Variants in MRPL35 observed in about 807,000 individuals in gnomAD.
MRPL35 encodes the protein mitochondrial ribosomal protein L35, also known as large ribosomal subunit protein bL35m.
MRPL35 carries 18 observed loss-of-function variants against 21.6 expected under a neutral mutation model. The observed-to-expected ratio is 0.83, with a 90% CI of 0.58 to 1.24. MRPL35 has a LOEUF of 1.24. Among genes scored for constraint, MRPL35 ranks in the 50% most tolerant of loss-of-function variants. MRPL35 has a pLI of 0.00. For synonymous variants in MRPL35, 87 were observed against 86.9 expected (o/e 1.00, Z -0.01); for missense variants, 223 against 223.2 (o/e 1.00, Z 0.01).
intron 2 of MRPL35, 43 bp downstream of exon 2, chr2:86,206,338 T>A (rs756632964): frequency 1.4e-5 from 22 of 1,536,476 alleles, no homozygotes; most frequent in Non-Finnish European, 1.8e-5. Context: ...TTTTTTGTTT[T>A]TTGTTTTTTT....
intron 1 of MRPL35, among the ~76,000 whole-genome samples, chr2:86,203,315 C>T (rs1284473835): frequency 6.6e-6 from 1 of 152,026 alleles, no homozygotes; most frequent in East Asian, 1.9e-4. Flanking sequence ...ACCTCCTGAT[C>T]TCCTCGTGAT....
intron 1 of MRPL35, among the ~76,000 whole-genome samples, chr2:86,201,984 G>A (rs1673694680): frequency 6.6e-6 from 1 of 152,162 alleles, no homozygotes; most frequent in Non-Finnish European, 1.5e-5. Context: ...GAAAACATCT[G>A]TATTCTCTAT....
rs146688316 is a variant in MRPL35, at chr2:86,205,041, T to C, written c.44-1065T>C. Among the ~76,000 whole-genome samples, 1,337 of 152,070 alleles carry C rather than the reference T, an allele frequency of 8.8e-3. 65 individuals are homozygous for C. Among genetic ancestry groups the C allele is most frequent in the Admixed American group, 0.069 (1,058 of 15,268 alleles). ...ATCACTTGAGCCCAGGAGTTCAAGA[T>C]TGGGCTGGGCAACATGGCAAAATTC... On this transcript the variant is annotated intron_variant, in intron 1 of 3. Transcript: ENST00000337109.
At chr2:86,203,408 G>A (rs1034323515) in intron 1 of MRPL35, among the ~76,000 whole-genome samples, 1 of 152,068 alleles carries the variant, frequency 6.6e-6, no homozygotes, top group Non-Finnish European at 1.5e-5. Context: ...TTCTTTACCC[G>A]ATCTCACGTG....
At chr2:86,199,678 G>A in intron 1 of MRPL35, 145 bp downstream of exon 1, 1 of 1,042,820 alleles carries the variant, frequency 9.6e-7, no homozygotes, top group Non-Finnish European at 1.4e-6. Context: ...TCTCTGGGGC[G>A]GTGTGACCGG....
Position 86,213,738 on chromosome 2 carries a change from C to G in MRPL35, c.*3070C>G. The stretch of plus-strand genomic sequence containing the variant: ...GTGGACTATTCTATTTTCACAGCTA[C>G]CTAGTTTCTGCCGATGATTTTTTTA... On this transcript the variant is annotated 3_prime_UTR_variant, in exon 4 of 4. Transcript: ENST00000337109. The G allele has an allele frequency of 6.8e-7, 1 of 1,467,806 alleles. No individual in the cohort carries two copies. Among genetic ancestry groups the G allele is most frequent in the Non-Finnish European group, 9.3e-7 (1 of 1,076,950 alleles). The allele number at this position is 1,467,806 out of a possible 1,614,324, so 90.9% of individuals were successfully genotyped here. A position where few individuals can be genotyped will look rare whatever the true frequency, so the allele number is the denominator to read the frequency against.
Position 86,208,558 on chromosome 2 carries a change from C to T in MRPL35, c.378+1231C>T, listed in dbSNP as rs148878875. On this transcript the variant is annotated intron_variant, in intron 3 of 3. Transcript: ENST00000337109. ...CTGACCTTAAGTGATCCACCTGTCT[C>T]GGCCTCCCAAAGTGCTGGGATTACA... 8.8e-3 allele frequency among the ~76,000 whole-genome samples: 1,340 copies of T among 152,280 alleles called. 65 individuals carry two copies. The highest frequency in any genetic ancestry group is 0.069 in the Admixed American group (1,057 of 15,300).
rs1673921868 is a variant in MRPL35, at chr2:86,212,361, G to A, written c.*1693G>A. 2.5e-6 allele frequency: 4 copies of A among 1,612,948 alleles called. No homozygotes were observed. Among genetic ancestry groups the A allele is most frequent in the African/African-American group, 2.7e-5 (2 of 74,858 alleles). On this transcript the variant is annotated 3_prime_UTR_variant, in exon 4 of 4. Transcript: ENST00000337109. ...GAACAGACATTTGATTTGAGGTGAG[G>A]TAAAAGCCTGAAACATGGAATGGCA...
chr2:86,213,766 T>C lies in MRPL35; in HGVS notation c.*3098T>C, dbSNP rs1673964473. 1 of 1,327,176 alleles carries C rather than the reference T, an allele frequency of 7.5e-7. No homozygotes were observed. The highest frequency in any genetic ancestry group is 1.3e-5 in the South Asian group (1 of 74,514). The allele number at this position is 1,327,176 out of a possible 1,614,324, so 82.2% of individuals were successfully genotyped here. The stretch of plus-strand genomic sequence containing the variant: ...AGTTTCTGCCGATGATTTTTTTAAA[T>C]GTGAAATAAACAGTGATACTTTCAG... On this transcript the variant is annotated 3_prime_UTR_variant, in exon 4 of 4. Transcript: ENST00000337109.
In MRPL35 at chr2:86,213,595, T is replaced by C. The variant is rs11944; in HGVS notation, c.*2927T>C. On this transcript the variant is annotated 3_prime_UTR_variant, in exon 4 of 4. Transcript: ENST00000337109. ...GTAAGGGCTGCAGCAGGTTTAAGGG[T>C]GGCCCTTCACCACCCTGTTGTCACC... The C allele has an allele frequency of 0.38, 586,078 of 1,548,706 alleles. 116,271 individuals are homozygous for C. The highest frequency in any genetic ancestry group is 0.58 in the East Asian group (23,744 of 40,870).
At chr2:86,209,637 C>G (rs1673864152) in intron 3 of MRPL35, among the ~76,000 whole-genome samples, 1 of 152,156 alleles carries the variant, frequency 6.6e-6, no homozygotes. Context: ...TAGAAAAGTA[C>G]TTCCTATAAA....
Position 86,206,127 on chromosome 2 carries a change from T to C in MRPL35, c.65T>C (p.Ile22Thr), listed in dbSNP as rs1558855434. ...ACAGGAATCCTACGGCCCCTGAATATTTTGGCATCTTCAACCTACCGCAAC... is the reference window on the plus strand; with the variant it reads ...ACAGGAATCCTACGGCCCCTGAATACTTTGGCATCTTCAACCTACCGCAAC... Reference protein sequence around the residue: ...AASGILRPLNILASSTYRNCV... With the variant: ...AASGILRPLNTLASSTYRNCV... The change falls in exon 2 of 4, where the codon ATT becomes ACT. Residue 22 changes from isoleucine (I) to threonine (T), a missense_variant. Physicochemically the swap from Ile to Thr is moderately conservative, Grantham distance 89. Transcript: ENST00000337109. The C allele has an allele frequency of 7.4e-6, 12 of 1,612,304 alleles. No homozygotes were observed. The highest frequency in any genetic ancestry group is 1.0e-5 in the Non-Finnish European group (12 of 1,178,600).
At chr2:86,199,927 G>C (rs1292645528) in intron 1 of MRPL35, among the ~76,000 whole-genome samples, 2 of 152,110 alleles carry the variant, frequency 1.3e-5, no homozygotes, top group African/African-American at 4.8e-5. Context: ...CTAAAATGGG[G>C]GTCATAACCA....
Position 86,211,450 on chromosome 2 carries a change from A to G in MRPL35, c.*782A>G. 2 of 985,472 alleles carry G rather than the reference A, an allele frequency of 2.0e-6. No homozygotes were observed. The highest frequency in any genetic ancestry group is 2.4e-6 in the Non-Finnish European group (2 of 829,950). The allele number at this position is 985,472 out of a possible 1,614,324, so 61.0% of individuals were successfully genotyped here. The stretch of plus-strand genomic sequence containing the variant: ...GTATTAGCAGGTTTGCATGCAGCAA[A>G]AAAACAGTTATGTGAGCAGTTTCAC... On this transcript the variant is annotated 3_prime_UTR_variant, in exon 4 of 4. Transcript: ENST00000337109.
In MRPL35 at chr2:86,210,741, G is replaced by A. The variant is rs1439933884; in HGVS notation, c.*73G>A. On this transcript the variant is annotated 3_prime_UTR_variant, in exon 4 of 4. Coordinates refer to ENST00000337109, the MANE Select transcript of MRPL35 (RefSeq NM_016622.4). ...TACATATCTTTGCAAAAATGGATAAGTACAAAACTTGATGTAAATTGTACC... is the reference window on the plus strand; with the variant it reads ...TACATATCTTTGCAAAAATGGATAAATACAAAACTTGATGTAAATTGTACC... 8.1e-6 allele frequency: 12 copies of A among 1,479,620 alleles called. No homozygotes were observed. The highest frequency in any genetic ancestry group is 4.6e-5 in the East Asian group (2 of 43,618). The allele number at this position is 1,479,620 out of a possible 1,614,324, so 91.7% of individuals were successfully genotyped here.
chr2:86,210,960 T>C lies in MRPL35; in HGVS notation c.*292T>C. ...CAAGGAATCTCAAGTGGGACAAACA[T>C]AAAAAGACTCAAAAGCTACAAGTTA... On this transcript the variant is annotated 3_prime_UTR_variant, in exon 4 of 4. Coordinates refer to ENST00000337109, the MANE Select transcript of MRPL35 (RefSeq NM_016622.4). 9.6e-7 allele frequency: 1 copy of C among 1,039,504 alleles called. No homozygotes were observed. The highest frequency in any genetic ancestry group is 1.2e-6 in the Non-Finnish European group (1 of 865,078). The allele number at this position is 1,039,504 out of a possible 1,614,324, so 64.4% of individuals were successfully genotyped here. A position where few individuals can be genotyped will look rare whatever the true frequency, so the allele number is the denominator to read the frequency against.
intron 2 of MRPL35, 136 bp from the exon 3 acceptor site, chr2:86,207,047 A>C: frequency 1.2e-6 from 1 of 836,706 alleles, no homozygotes; most frequent in Non-Finnish European, 1.8e-6. Context: ...GTCATGGGTC[A>C]TTGGAAGTAA....
chr2:86,211,523 G>C lies in MRPL35; in HGVS notation c.*855G>C. 1 of 985,416 alleles carries C rather than the reference G, an allele frequency of 1.0e-6. No individual in the cohort carries two copies. 61.0% of individuals were successfully genotyped at this position (985,416 alleles called of 1,614,324 possible). On this transcript the variant is annotated 3_prime_UTR_variant, in exon 4 of 4. Coordinates refer to ENST00000337109, the MANE Select transcript of MRPL35 (RefSeq NM_016622.4). ...AGCACACTTAACATCTAACACACCAGGTTCATTGTGTTCATAACACTTGTC... is the reference window on the plus strand; with the variant it reads ...AGCACACTTAACATCTAACACACCACGTTCATTGTGTTCATAACACTTGTC...
At chr2:86,206,407 A>C (rs1673792968) in intron 2 of MRPL35, 112 bp downstream of exon 2, 1 of 994,384 alleles carries the variant, frequency 1.0e-6, no homozygotes, top group East Asian at 2.5e-5. Flanking sequence ...TTCTCAGCTC[A>C]CTGCAACCTC....
Sources: gnomAD v4.1 joint callset for allele counts (sites outside exome capture counted in the v4.1 genomes callset) on GRCh38, gnomAD v4.1.1 for gene constraint, MANE v1.5 for transcripts, NCBI Gene and HGNC (gene_info 2026-07-23, HGNC 2026-07-21) for gene names.